MLXIP: variants seen among roughly 807,000 people sequenced by gnomAD.
The protein encoded by MLXIP is MLX interacting protein.
MLXIP carries 30 observed loss-of-function variants against 87.2 expected under a neutral mutation model. The observed-to-expected ratio is 0.34, with a 90% CI of 0.26 to 0.47. The LOEUF is 0.47. Ranked by LOEUF, MLXIP falls within the 20% of genes least tolerant of loss-of-function variation. The pLI, the probability that MLXIP is intolerant of heterozygous loss-of-function variation, is 1.00. For synonymous variants in MLXIP, 530 were observed against 514.0 expected (o/e 1.03, Z -0.42); for missense variants, 1,002 against 1,240.1 (o/e 0.81, Z 2.88).
intron 1 of MLXIP, among the ~76,000 whole-genome samples, chr12:122,106,595 C>CTT (rs1162475087): frequency 0.017 from 1,047 of 62,886 alleles, 35 homozygotes; most frequent in Admixed American, 0.024. Context: ...ATCGCAGGTT[C>CTT]TTTTTTTTTT....
intron 1 of MLXIP, among the ~76,000 whole-genome samples, chr12:122,082,966 A>C (rs1017992285): frequency 6.6e-6 from 1 of 152,200 alleles, no homozygotes; most frequent in African/African-American, 2.4e-5. Flanking sequence ...GACTGCGGGC[A>C]CGCACTACTA....
chr12:122,109,406 G>A (rs1180671401), intron 1 of MLXIP, among the ~76,000 whole-genome samples: 1 of 152,234 alleles, frequency 6.6e-6, no homozygotes, highest in Non-Finnish European at 1.5e-5. Flanking sequence ...GTTTTGCCAT[G>A]TTGGCCAGGC....
intron 1 of MLXIP, among the ~76,000 whole-genome samples, chr12:122,105,779 CA>C (rs1047110196): frequency 6.0e-4 from 80 of 133,550 alleles, no homozygotes; most frequent in Middle Eastern, 3.9e-3. Flanking sequence ...GACTCCGTCT[CA>C]AAAAAAAAAA....
In MLXIP at chr12:122,122,669, G is replaced by A. The variant is rs571524649; in HGVS notation, c.414-4587G>A. On this transcript the variant is annotated intron_variant, in intron 1 of 16. Transcript: ENST00000319080. Reference sequence around the variant, plus strand: ...CCATTCTCCGGCCTCAGCCTCCCAAGTAGCTGGGAGTACAGGCGCCCGCCA... The same window carrying A: ...CCATTCTCCGGCCTCAGCCTCCCAAATAGCTGGGAGTACAGGCGCCCGCCA... Among the ~76,000 whole-genome samples, 5 of 151,952 alleles carry A rather than the reference G, an allele frequency of 3.3e-5. 1 individual carries two copies. The South Asian group carries it at 1.0e-3, about 32-fold the overall frequency.
chr12:122,118,883 T>G (rs1391767813), intron 1 of MLXIP, among the ~76,000 whole-genome samples: 1 of 146,568 alleles, frequency 6.8e-6, no homozygotes, highest in Non-Finnish European at 1.5e-5. Flanking sequence ...AAAAAACACA[T>G]GGGCTGGGCA....
Position 122,135,177 on chromosome 12 carries a change from G to A in MLXIP, c.1733-47G>A. 1 of 1,603,670 alleles carries A rather than the reference G, an allele frequency of 6.2e-7. No homozygotes were observed. Among genetic ancestry groups the A allele is most frequent in the Non-Finnish European group, 8.5e-7 (1 of 1,175,676 alleles). ...AGGCAGCCTCTGCAGGGTGGGCCAG[G>A]CCCTGTGGCCCAGGGCTGCACCTGA... On this transcript the variant is annotated intron_variant, in intron 9 of 16. Transcript: ENST00000319080. The surrounding 1 kb of genome is among the most constrained non-coding windows in gnomAD (Gnocchi z 5.3).
At chr12:122,120,965 G>A (rs1276245263) in intron 1 of MLXIP, among the ~76,000 whole-genome samples, 1 of 146,172 alleles carries the variant, frequency 6.8e-6, no homozygotes, top group African/African-American at 2.6e-5. Context: ...CTCCACCACT[G>A]TTCTGAGACC....
chr12:122,129,011 G>C, intron 3 of MLXIP, 126 bp from the exon 4 acceptor site: 1 of 710,506 alleles, frequency 1.4e-6, no homozygotes, highest in South Asian at 1.6e-5. Flanking sequence ...TGATGTGGTA[G>C]CCACTGTGGG....
chr12:122,079,436 G>A (rs996638328), intron 1 of MLXIP, among the ~76,000 whole-genome samples, 170 bp downstream of exon 1: 2 of 152,212 alleles, frequency 1.3e-5, no homozygotes, highest in Non-Finnish European at 2.9e-5. Context: ...CAGAGGAGCC[G>A]GGGTCCTGGC....
intron 1 of MLXIP, among the ~76,000 whole-genome samples, chr12:122,110,571 G>A (rs1048039845): frequency 6.6e-6 from 1 of 151,938 alleles, no homozygotes; most frequent in African/African-American, 2.4e-5. Context: ...ACAGGTGTGA[G>A]CCACTGCACC....
rs372861726 is a variant in MLXIP at position 122,133,980 on chromosome 12, C to T, written c.1725C>T (p.Ile575=). Residue 575 remains isoleucine, a synonymous_variant, in exon 9 of 17, where the codon ATC becomes ATT. Transcript: ENST00000319080. This position sits in a 1 kb window ranked among gnomAD's most constrained non-coding sequence, Gnocchi z 4.9. The part of the protein sequence containing the change: ...PVSLVLKNAR[I]APAAFSGQPQ... Reference sequence around the variant, plus strand: ...CCTTGGTGTTGAAGAATGCCCGTATCGCCCCAGGTGAGCCAGGCGGGGAGA... The same window carrying T: ...CCTTGGTGTTGAAGAATGCCCGTATTGCCCCAGGTGAGCCAGGCGGGGAGA... 285 of 1,597,468 alleles carry T rather than the reference C, an allele frequency of 1.8e-4. No individual in the cohort carries two copies. The highest frequency in any genetic ancestry group is 2.3e-4 in the Non-Finnish European group (272 of 1,171,172).
chr12:122,117,670 T>C (rs1240237664), intron 1 of MLXIP, among the ~76,000 whole-genome samples: 1 of 152,196 alleles, frequency 6.6e-6, no homozygotes, highest in Non-Finnish European at 1.5e-5. Context: ...TTTTTCCTTG[T>C]TTATTTTGAA....
intron 4 of MLXIP, 101 bp from the exon 5 acceptor site, chr12:122,129,487 C>A: frequency 7.3e-7 from 1 of 1,370,492 alleles, no homozygotes; most frequent in Non-Finnish European, 1.0e-6. Flanking sequence ...ATGGTGTGAG[C>A]AGGACCCCTA....
Position 122,133,319 on chromosome 12 carries a change from G to A in MLXIP, c.1093-29G>A, listed in dbSNP as rs1419960531. 10 of 1,531,060 alleles carry A rather than the reference G, an allele frequency of 6.5e-6. No homozygotes were observed. Among genetic ancestry groups the A allele is most frequent in the Non-Finnish European group, 8.8e-6 (10 of 1,139,016 alleles). The allele number at this position is 1,531,060 out of a possible 1,614,324, so 94.8% of individuals were successfully genotyped here. ...AAAGGAATTGTCTGACCCCAGCATT[G>A]CTTCCTGGCTCCTTTCTTCCTTTTT... is the stretch of plus-strand genomic sequence containing the variant. On this transcript the variant is annotated intron_variant, in intron 8 of 16. Coordinates refer to ENST00000319080, the MANE Select transcript of MLXIP (RefSeq NM_014938.6). The surrounding 1 kb of genome is among the most constrained non-coding windows in gnomAD (Gnocchi z 4.9).
intron 1 of MLXIP, among the ~76,000 whole-genome samples, chr12:122,119,620 T>C (rs1952748199): frequency 6.6e-6 from 1 of 152,204 alleles, no homozygotes. Flanking sequence ...CTCGATCTCC[T>C]GACCTTGTGA....
At chr12:122,105,966 G>A (rs1952513370) in intron 1 of MLXIP, among the ~76,000 whole-genome samples, 2 of 152,190 alleles carry the variant, frequency 1.3e-5, no homozygotes, top group South Asian at 4.1e-4. Context: ...AGTGTGAGAT[G>A]TTGGCCAACT....
Position 122,137,414 on chromosome 12 carries a change from C to T in MLXIP, c.2033-55C>T, listed in dbSNP as rs1953112341. On this transcript the variant is annotated intron_variant, in intron 11 of 16. Transcript: ENST00000319080. This position sits in a 1 kb window ranked among gnomAD's most constrained non-coding sequence, Gnocchi z 4.1. ...CCCTGCAGAGACCCCAGGCTGCCTC[C>T]TGGTGGCGTTGAGGGGCCAGGCCTC... is the stretch of plus-strand genomic sequence containing the variant. 3.8e-6 allele frequency: 6 copies of T among 1,577,050 alleles called. No individual in the cohort carries two copies. In the Admixed American group the frequency reaches 1.1e-4, roughly 30 times the overall value.
At chr12:122,112,454 C>T (rs887807678) in intron 1 of MLXIP, among the ~76,000 whole-genome samples, 2 of 151,982 alleles carry the variant, frequency 1.3e-5, no homozygotes, top group African/African-American at 4.8e-5. Context: ...CTGGCTAACA[C>T]GGTGAAACCC....
At chr12:122,079,822 TC>T (rs1952065481) in intron 1 of MLXIP, among the ~76,000 whole-genome samples, 1 of 152,244 alleles carries the variant, frequency 6.6e-6, no homozygotes, top group African/African-American at 2.4e-5. Flanking sequence ...GAGTTAGGTG[TC>T]CCTGCACCTG....
Sources: allele counts gnomAD v4.1 joint callset (sites outside exome capture counted in the v4.1 genomes callset), GRCh38; gene constraint gnomAD v4.1.1; non-coding constraint Gnocchi (gnomAD v3.1); transcripts MANE v1.5; gene names NCBI Gene and HGNC (gene_info 2026-07-23, HGNC 2026-07-21).